TNR: variants seen among roughly 807,000 people sequenced by gnomAD.
The protein encoded by TNR is tenascin-R.
TNR carries 45 observed loss-of-function variants against 150.4 expected under a neutral mutation model. That is an observed-to-expected ratio of 0.30 (90% CI 0.24 to 0.38). TNR has a LOEUF of 0.38. Among genes scored for constraint, TNR ranks in the 10% least tolerant of loss-of-function variants. The probability of loss-of-function intolerance (pLI) is 1.00; values close to 1 mark genes in which losing one functional copy is unlikely to be tolerated. For missense variants in TNR, 1,544 were observed against 1,759.1 expected (o/e 0.88, Z 2.19); for synonymous variants, 687 against 678.4 (o/e 1.01, Z -0.20).
chr1:175,391,207 C>T, intron 7 of TNR, 81 bp downstream of exon 7: 1 of 1,547,652 alleles, frequency 6.5e-7, no homozygotes. Context: ...TCTGTTGTCT[C>T]TCCACTCCTT....
intron 1 of TNR, among the ~76,000 whole-genome samples, chr1:175,740,262 C>A (rs1667888911): frequency 6.6e-6 from 1 of 152,184 alleles, no homozygotes; most frequent in Non-Finnish European, 1.5e-5. Context: ...ACCACATATG[C>A]ACAAACACAA....
At chr1:175,614,356 G>C (rs531763722) in intron 1 of TNR, among the ~76,000 whole-genome samples, 1 of 152,204 alleles carries the variant, frequency 6.6e-6, no homozygotes, top group East Asian at 1.9e-4. Flanking sequence ...GAGGGAGAGG[G>C]TTTTCTTTCC....
At chr1:175,486,199 C>T (rs1254479351) in intron 2 of TNR, among the ~76,000 whole-genome samples, 3 of 151,670 alleles carry the variant, frequency 2.0e-5, no homozygotes, top group Admixed American at 6.6e-5. Flanking sequence ...TCGGTATACA[C>T]GTGGCATGGT....
Position 175,403,552 on chromosome 1 carries a change from G to A in TNR, c.564C>T (p.Cys188=). 1.2e-6 allele frequency: 2 copies of A among 1,614,192 alleles called. No individual in the cohort carries two copies. Among genetic ancestry groups the A allele is most frequent in the Middle Eastern group, 1.6e-4 (1 of 6,062 alleles). ...HGNFSFESCG[C]ICNEGWFGKN... is the part of the protein sequence containing the mutation. ...TGCCAAACCAGCCTTCGTTGCAGAT[G>A]CAGCCACAGGACTCAAAGCTAAAGT... is the stretch of plus-strand genomic sequence containing the variant. The change falls in exon 4 of 23, where the codon TGC becomes TGT. Residue 188 remains cysteine (C), a synonymous_variant. Coordinates refer to ENST00000367674, the MANE Select transcript of TNR (RefSeq NM_003285.3).
intron 1 of TNR, among the ~76,000 whole-genome samples, chr1:175,660,173 G>A (rs1467672286): frequency 6.6e-6 from 1 of 152,216 alleles, no homozygotes; most frequent in South Asian, 2.1e-4. Flanking sequence ...AAGAGGCTCT[G>A]ATGAAAGGCT....
At chr1:175,419,662 A>G (rs1389782212) in intron 2 of TNR, among the ~76,000 whole-genome samples, 1 of 152,076 alleles carries the variant, frequency 6.6e-6, no homozygotes, top group East Asian at 1.9e-4. Flanking sequence ...TTATATTTTT[A>G]GTAGAGAAGG....
chr1:175,498,072 GCAACAACAA>G (rs112090574), intron 2 of TNR, among the ~76,000 whole-genome samples: 1 of 151,752 alleles, frequency 6.6e-6, no homozygotes, highest in East Asian at 1.9e-4. Flanking sequence ...AACAACAACA[GCAACAACAA>G]CAACAACAAC....
intron 4 of TNR, among the ~76,000 whole-genome samples, chr1:175,402,131 C>A (rs1653734990): frequency 1.3e-5 from 2 of 151,434 alleles, no homozygotes; most frequent in Admixed American, 6.6e-5. Flanking sequence ...CAAGGTGAAA[C>A]CCCGTCTCTA....
At chr1:175,656,187 TGTGTATGTGG>T (rs1350476595) in intron 1 of TNR, among the ~76,000 whole-genome samples, 45 of 144,832 alleles carry the variant, frequency 3.1e-4, no homozygotes, top group African/African-American at 1.2e-3. Flanking sequence ...TGTGTGTGTG[TGTGTATGTGG>T]TCTACCTTTT....
intron 2 of TNR, among the ~76,000 whole-genome samples, chr1:175,511,209 C>G (rs1419267522): frequency 6.6e-6 from 1 of 152,146 alleles, no homozygotes; most frequent in Non-Finnish European, 1.5e-5. Flanking sequence ...AAACAAAGCT[C>G]TGCTGCAATT....
intron 2 of TNR, among the ~76,000 whole-genome samples, chr1:175,431,224 C>T (rs567146060): frequency 4.6e-5 from 7 of 152,208 alleles, no homozygotes; most frequent in East Asian, 3.9e-4. Flanking sequence ...GAGAAAAATC[C>T]GAACCTGAAT....
intron 2 of TNR, among the ~76,000 whole-genome samples, chr1:175,423,699 G>A (rs902737433): frequency 1.3e-5 from 2 of 152,216 alleles, no homozygotes; most frequent in Non-Finnish European, 2.9e-5. Context: ...AAGCTTCAGA[G>A]GCAAGCATCA....
intron 1 of TNR, among the ~76,000 whole-genome samples, chr1:175,697,860 C>A (rs1235938934): frequency 2.6e-5 from 4 of 152,170 alleles, no homozygotes; most frequent in Non-Finnish European, 5.9e-5. Flanking sequence ...CAGGCCACTC[C>A]CATCCTCATT....
intron 2 of TNR, among the ~76,000 whole-genome samples, chr1:175,491,889 TC>T (rs1658275836): frequency 1.3e-5 from 2 of 151,946 alleles, no homozygotes; most frequent in Non-Finnish European, 2.9e-5. Flanking sequence ...GACCTCGTGA[TC>T]CGCCCGCCTT....
At position 175,396,614 on chromosome 1, in the gene TNR, G is replaced by A. The variant is rs1252282750; in HGVS notation, c.1170C>T (p.Thr390=). The A allele has an allele frequency of 6.2e-7, 1 of 1,614,132 alleles. No individual in the cohort carries two copies. The highest frequency in any genetic ancestry group is 1.3e-5 in the African/African-American group (1 of 74,942). The change falls in exon 5 of 23, where the codon ACC becomes ACT. Residue 390 remains threonine, a synonymous_variant. Coordinates refer to ENST00000367674, the MANE Select transcript of TNR (RefSeq NM_003285.3). ...VTITELEPGL[T]YNISVYAVIS... ...TGACAGCGTAGACGCTGATGTTGTAGGTGAGACCTGGCTCCAGCTCCGTGA... is the reference window on the plus strand; with the variant it reads ...TGACAGCGTAGACGCTGATGTTGTAAGTGAGACCTGGCTCCAGCTCCGTGA...
At chr1:175,529,659 A>C (rs2102177848) in intron 1 of TNR, among the ~76,000 whole-genome samples, 1 of 152,362 alleles carries the variant, frequency 6.6e-6, no homozygotes, top group South Asian at 2.1e-4. Flanking sequence ...AGTGTAATTT[A>C]GATGGTAGCT....
At chr1:175,641,159 T>C (rs1664645286) in intron 1 of TNR, among the ~76,000 whole-genome samples, 1 of 151,986 alleles carries the variant, frequency 6.6e-6, no homozygotes, top group Non-Finnish European at 1.5e-5. Flanking sequence ...AAAAATAAAG[T>C]AGGAAAACAA....
At chr1:175,402,248 A>T (rs1653743423) in intron 4 of TNR, among the ~76,000 whole-genome samples, 1 of 128,118 alleles carries the variant, frequency 7.8e-6, no homozygotes, top group African/African-American at 3.0e-5. Flanking sequence ...CGGAGCTTGC[A>T]GTGAGCCGAG....
intron 18 of TNR, among the ~76,000 whole-genome samples, chr1:175,353,429 A>T (rs1048919221): frequency 6.6e-6 from 1 of 152,158 alleles, no homozygotes; most frequent in Admixed American, 6.5e-5. Context: ...GAGATTAGGA[A>T]TTTTTTTTAT....
Sources: gnomAD v4.1 joint callset for allele counts (sites outside exome capture counted in the v4.1 genomes callset) on GRCh38, gnomAD v4.1.1 for gene constraint, MANE v1.5 for transcripts, NCBI Gene and HGNC (gene_info 2026-07-23, HGNC 2026-07-21) for gene names.